The following LRRTM3 variants were observed in gnomAD, a reference collection of about 807,000 sequenced individuals.
LRRTM3 encodes leucine-rich repeat transmembrane neuronal protein 3.
Under a neutral mutation model 44.7 loss-of-function variants are expected in LRRTM3, and 24 were observed. That is an observed-to-expected ratio of 0.54 (90% confidence interval 0.39 to 0.76). The LOEUF is 0.76. LRRTM3 is among the 30% of genes least tolerant of loss of function. The pLI is 0.00. For synonymous variants in LRRTM3, 277 were observed against 278.7 expected, an observed-to-expected ratio of 0.99 and a Z score of 0.06; for missense variants, 587 against 702.2, an observed-to-expected ratio of 0.84 and a Z score of 1.85.
intron 2 of LRRTM3, among the ~76,000 whole-genome samples, chr10:66,985,286 G>T (rs1245853187): frequency 1.3e-5 from 2 of 152,136 alleles, no homozygotes; most frequent in Non-Finnish European, 2.9e-5. Flanking sequence ...CAATATGATA[G>T]CACATATAAT....
chr10:67,039,168 T>A (rs915154343), intron 2 of LRRTM3, among the ~76,000 whole-genome samples: 2 of 152,082 alleles, frequency 1.3e-5, no homozygotes, highest in African/African-American at 4.8e-5. Context: ...ACTGTTACCA[T>A]ACTTAACATT....
At chr10:67,091,029 T>G (rs117236700) in intron 2 of LRRTM3, among the ~76,000 whole-genome samples, 2,354 of 151,968 alleles carry the variant, frequency 0.015, 30 homozygotes, top group Middle Eastern at 0.027. Context: ...CAATCAAGAG[T>G]TTCTTAATAT....
In LRRTM3 at chr10:67,100,298, C is replaced by T. The variant is rs1406118602; in HGVS notation, c.*2502C>T. Among the ~76,000 whole-genome samples the T allele has an allele frequency of 6.6e-6, 1 of 151,696 alleles. No individual in the cohort carries two copies. The highest frequency in any genetic ancestry group is 1.5e-5 in the Non-Finnish European group (1 of 67,788). On this transcript the variant is annotated 3_prime_UTR_variant, in exon 3 of 3. Coordinates refer to ENST00000361320, the MANE Select transcript of LRRTM3 (RefSeq NM_178011.5). ...TGTGCAACCAAGGCCCTAAGCTACA[C>T]CAAATACGCCAGGAATTTTGAGACT...
intron 2 of LRRTM3, among the ~76,000 whole-genome samples, chr10:67,008,412 G>A (rs1404100575): frequency 6.6e-6 from 1 of 151,978 alleles, no homozygotes; most frequent in East Asian, 1.9e-4. Context: ...TACCTGAATT[G>A]TTTGTCTTGA....
chr10:66,966,039 G>T (rs1306067747), intron 2 of LRRTM3, among the ~76,000 whole-genome samples: 1 of 152,138 alleles, frequency 6.6e-6, no homozygotes, highest in Admixed American at 6.6e-5. Flanking sequence ...TGAGTCTTTT[G>T]CTTCCTTCAC....
intron 2 of LRRTM3, among the ~76,000 whole-genome samples, chr10:67,077,096 C>A (rs2131866075): frequency 6.6e-6 from 1 of 152,314 alleles, no homozygotes; most frequent in African/African-American, 2.4e-5. Context: ...TCCTGACCCT[C>A]TACCTCAATC....
chr10:66,955,483 T>A (rs1848738767), intron 2 of LRRTM3, among the ~76,000 whole-genome samples: 2 of 152,136 alleles, frequency 1.3e-5, no homozygotes, highest in South Asian at 4.1e-4. Context: ...ACAGTATGCA[T>A]CTAAGAAGTC....
At chr10:67,005,644 C>CAAAAGCAA (rs1447423493) in intron 2 of LRRTM3, among the ~76,000 whole-genome samples, 1 of 134,408 alleles carries the variant, frequency 7.4e-6, no homozygotes, top group Non-Finnish European at 1.6e-5. Context: ...ATGTAACAAG[C>CAAAAGCAA]AAAAGCAAAA....
intron 1 of LRRTM3, 97 bp downstream of exon 1, chr10:66,926,684 C>A: frequency 1.5e-6 from 2 of 1,375,886 alleles, no homozygotes; most frequent in Non-Finnish European, 2.1e-6. Flanking sequence ...TTAGAGATTA[C>A]CTTGCTCTGC....
chr10:66,929,435 C>T (rs532473496), intron 2 of LRRTM3, among the ~76,000 whole-genome samples: 1 of 152,134 alleles, frequency 6.6e-6, no homozygotes, highest in South Asian at 2.1e-4. Context: ...CTGTTCTGTT[C>T]AGAATTTGTC....
intron 2 of LRRTM3, among the ~76,000 whole-genome samples, chr10:67,063,449 T>C (rs1855881006): frequency 6.6e-6 from 1 of 152,138 alleles, no homozygotes; most frequent in South Asian, 2.1e-4. Context: ...TTATGAGTAC[T>C]CCAAGTTCCA....
At position 66,927,000 on chromosome 10, in the gene LRRTM3, T is replaced by C; in HGVS notation, c.84T>C (p.Ser28=). Residue 28 remains serine, a synonymous_variant, in exon 2 of 3, where the codon TCT becomes TCC. Coordinates refer to ENST00000361320, the MANE Select transcript of LRRTM3 (RefSeq NM_178011.5). ...CCACTGTCTTACTGACAATGCTTTC[T>C]TCTGCCGAACGAGGATGCCCTAAGG... The part of the protein sequence containing the change: ...IAPTVLLTML[S]SAERGCPKGC... 6.2e-7 allele frequency: 1 copy of C among 1,614,198 alleles called. No homozygotes were observed.
intron 2 of LRRTM3, among the ~76,000 whole-genome samples, chr10:66,956,740 T>C (rs1299342442): frequency 2.0e-5 from 3 of 152,186 alleles, no homozygotes; most frequent in African/African-American, 7.2e-5. Flanking sequence ...TCCAAAGTGG[T>C]TGCTTAACTG....
intron 2 of LRRTM3, among the ~76,000 whole-genome samples, chr10:67,005,680 A>ATTTTTTTTTTTTTTTT (rs1564825972): frequency 7.6e-5 from 2 of 26,370 alleles, no homozygotes; most frequent in Admixed American, 7.9e-4. Context: ...ATTTTACTCC[A>ATTTTTTTTTTTTTTTT]TCTTTTTTTT....
At chr10:67,024,868 G>A (rs1384094978) in intron 2 of LRRTM3, among the ~76,000 whole-genome samples, 2 of 152,000 alleles carry the variant, frequency 1.3e-5, no homozygotes, top group Admixed American at 6.5e-5. Flanking sequence ...GGTGACTCAC[G>A]CCTGTAAATC....
At chr10:67,038,229 G>T (rs942130362) in intron 2 of LRRTM3, among the ~76,000 whole-genome samples, 47 of 151,972 alleles carry the variant, frequency 3.1e-4, no homozygotes, top group African/African-American at 1.1e-3. Flanking sequence ...TATTGTTGTT[G>T]TTGATTAGCC....
intron 2 of LRRTM3, among the ~76,000 whole-genome samples, chr10:66,939,467 T>C (rs1216058641): frequency 1.3e-5 from 2 of 152,202 alleles, no homozygotes; most frequent in Non-Finnish European, 2.9e-5. Context: ...CACCATCTAA[T>C]AATTTAATGT....
In LRRTM3 at chr10:67,100,944, G is replaced by A. The variant is rs377606580; in HGVS notation, c.*3148G>A. On this transcript the variant is annotated 3_prime_UTR_variant, in exon 3 of 3. Transcript: ENST00000361320. The stretch of plus-strand genomic sequence containing the variant: ...GAGCAAGAGAACTTCCAGAGATAAT[G>A]GATAGAATGAAAGAATATATATCTA... Among the ~76,000 whole-genome samples the A allele has an allele frequency of 6.6e-6, 1 of 151,508 alleles. No homozygotes were observed. The highest frequency in any genetic ancestry group is 1.5e-5 in the Non-Finnish European group (1 of 67,722).
chr10:67,015,148 T>C (rs2133053020), intron 2 of LRRTM3: 1 of 152,302 alleles, frequency 6.6e-6, no homozygotes, highest in South Asian at 2.1e-4. Flanking sequence ...GGAAATTAAC[T>C]GATACCTCTT....
Sources: gnomAD v4.1 joint callset for allele counts (sites outside exome capture counted in the v4.1 genomes callset) on GRCh38, gnomAD v4.1.1 for gene constraint, MANE v1.5 for transcripts, NCBI Gene and HGNC (gene_info 2026-07-23, HGNC 2026-07-21) for gene names.